The following SKIL variants were observed in gnomAD, a reference collection of about 807,000 sequenced individuals.
SKIL encodes ski-like protein.
SKIL carries 20 observed loss-of-function variants against 69.6 expected under a neutral mutation model. That is an observed-to-expected ratio of 0.29 (90% confidence interval 0.20 to 0.42). SKIL has a LOEUF of 0.42. Ranked by LOEUF, SKIL falls within the 10% of genes least tolerant of loss-of-function variation. The pLI, the probability that SKIL is intolerant of heterozygous loss-of-function variation, is 1.00. For missense variants in SKIL, 745 were observed against 783.1 expected, an observed-to-expected ratio of 0.95 and a Z score of 0.58; for synonymous variants, 310 against 279.9, an observed-to-expected ratio of 1.11 and a Z score of -1.08.
At chr3:170,381,852 T>C (rs1385319892) in intron 3 of SKIL, among the ~76,000 whole-genome samples, 2 of 151,486 alleles carry the variant, frequency 1.3e-5, no homozygotes, top group Non-Finnish European at 2.9e-5. Flanking sequence ...GAGGCCGAGG[T>C]GGGTGGATCA....
intron 6 of SKIL, among the ~76,000 whole-genome samples, chr3:170,392,021 T>G (rs532723400): frequency 6.6e-6 from 1 of 152,340 alleles, no homozygotes; most frequent in Admixed American, 6.5e-5. Flanking sequence ...TAGTAAAGTA[T>G]AGGGCATAAT....
At chr3:170,385,314 AC>A (rs1156828955) in intron 4 of SKIL, among the ~76,000 whole-genome samples, 1 of 150,106 alleles carries the variant, frequency 6.7e-6, no homozygotes, top group African/African-American at 2.5e-5. Flanking sequence ...CTGGTCTCGA[AC>A]TCCTGGGCTC....
intron 4 of SKIL, among the ~76,000 whole-genome samples, chr3:170,386,546 C>G (rs1466057980): frequency 6.6e-6 from 1 of 152,036 alleles, no homozygotes; most frequent in Non-Finnish European, 1.5e-5. Context: ...CATAGCTCAC[C>G]GCAGCTTCAA....
Position 170,393,762 on chromosome 3 carries a change from T to C in SKIL, c.*1345T>C, listed in dbSNP as rs564498922. On this transcript the variant is annotated 3_prime_UTR_variant, in exon 7 of 7. Transcript: ENST00000259119. The stretch of plus-strand genomic sequence containing the variant: ...GGGATAATAAATGTTTTTCATGTTC[T>C]CTTATAAGATACTATGTATGAAATT... 1 of 152,290 alleles carries C rather than the reference T, an allele frequency of 6.6e-6. No homozygotes were observed. The highest frequency in any genetic ancestry group is 1.9e-4 in the East Asian group (1 of 5,192). 9.4% of individuals were successfully genotyped at this position (152,290 alleles called of 1,614,324 possible).
Position 170,392,303 on chromosome 3 carries a change from G to A in SKIL, c.1941G>A (p.Arg647=), listed in dbSNP as rs1291530748. Residue 647 remains arginine, a synonymous_variant, in exon 7 of 7, where the codon AGG becomes AGA. Transcript: ENST00000259119. The part of the protein sequence containing the change: ...RQRLDHAEAD[R]QELQDELRQE... ...GATTGGACCATGCTGAGGCCGATAG[G>A]CAAGAACTCCAAGATGAACTCAGAC... 2.5e-6 allele frequency: 4 copies of A among 1,613,456 alleles called. No individual in the cohort carries two copies. Among genetic ancestry groups the A allele is most frequent in the Non-Finnish European group, 2.5e-6 (3 of 1,179,560 alleles).
chr3:170,386,580 A>G (rs753230244), intron 4 of SKIL, among the ~76,000 whole-genome samples: 4 of 151,726 alleles, frequency 2.6e-5, no homozygotes, highest in Non-Finnish European at 4.4e-5. Flanking sequence ...TAGTCCTTGC[A>G]CCTCAGCCTC....
In SKIL at chr3:170,369,408, A is replaced by AT. The variant is rs796483906; in HGVS notation, c.1098+7989dup. 1.1e-3 allele frequency among the ~76,000 whole-genome samples: 172 copies of AT among 149,972 alleles called. 1 individual carries two copies. Among genetic ancestry groups the AT allele is most frequent in the African/African-American group, 3.8e-3 (154 of 40,964 alleles). On this transcript the variant is annotated intron_variant, in intron 2 of 6. Transcript: ENST00000259119. ...AAAGAAGTAATCAAGAATTGGGCTA[A>AT]TTTTTTTTTTGATAAGGAGTTTTGC... is the stretch of plus-strand genomic sequence containing the variant.
intron 2 of SKIL, among the ~76,000 whole-genome samples, chr3:170,376,673 T>C (rs1163167360): frequency 6.6e-6 from 1 of 152,104 alleles, no homozygotes; most frequent in Non-Finnish European, 1.5e-5. Context: ...TTTCCTGGGC[T>C]CAAGTGATCC....
intron 2 of SKIL, among the ~76,000 whole-genome samples, chr3:170,375,765 G>GA (rs368004490): frequency 2.0e-5 from 3 of 151,970 alleles, no homozygotes; most frequent in Non-Finnish European, 4.4e-5. Flanking sequence ...TTTTTGTAGA[G>GA]ATGGGGGTCT....
At chr3:170,359,001 C>T (rs1326608302) in intron 1 of SKIL, among the ~76,000 whole-genome samples, 3 of 151,798 alleles carry the variant, frequency 2.0e-5, no homozygotes, top group Non-Finnish European at 2.9e-5. Flanking sequence ...ATGTTAACTC[C>T]TATCTGATTT....
intron 3 of SKIL, among the ~76,000 whole-genome samples, chr3:170,383,743 G>A (rs1220593178): frequency 6.6e-6 from 1 of 152,144 alleles, no homozygotes; most frequent in Non-Finnish European, 1.5e-5. Flanking sequence ...TATAAGAAGA[G>A]CCCTGGGAGC....
chr3:170,368,980 C>T (rs1259791522), intron 2 of SKIL, among the ~76,000 whole-genome samples: 2 of 151,734 alleles, frequency 1.3e-5, no homozygotes, highest in Non-Finnish European at 2.9e-5. Context: ...TAGTGCCTTT[C>T]TCATTTTTTA....
chr3:170,384,241 T>C (rs760771868), intron 3 of SKIL, among the ~76,000 whole-genome samples: 1 of 152,084 alleles, frequency 6.6e-6, no homozygotes, highest in Non-Finnish European at 1.5e-5. Context: ...GGCAGGAAGA[T>C]TGCTTGAACC....
At chr3:170,373,832 A>G (rs1736899649) in intron 2 of SKIL, among the ~76,000 whole-genome samples, 1 of 152,190 alleles carries the variant, frequency 6.6e-6, no homozygotes, top group Admixed American at 6.5e-5. Context: ...TGGAGGATGC[A>G]GTGAGCTATA....
Position 170,357,730 on chromosome 3 carries a change from GGGCGAGC to G in SKIL, c.-661_-655del, listed in dbSNP as rs956664834. The G allele has an allele frequency of 2.4e-5, 4 of 163,444 alleles. No homozygotes were observed. Among genetic ancestry groups the G allele is most frequent in the South Asian group, 1.7e-4 (1 of 5,840 alleles). The allele number at this position is 163,444 out of a possible 1,614,324, so 10.1% of individuals were successfully genotyped here. A position where few individuals can be genotyped will look rare whatever the true frequency, so the allele number is the denominator to read the frequency against. On this transcript the variant is annotated 5_prime_UTR_variant, in exon 1 of 7. Coordinates refer to ENST00000259119, the MANE Select transcript of SKIL (RefSeq NM_005414.5). ...CCGCGCCGGCACAGCCGAAGGGAGC[GGGCGAGC>G]GGCGACGGCGGCGGCGGCGGGCACA... is the stretch of plus-strand genomic sequence containing the variant.
chr3:170,386,590 C>T (rs1577442250), intron 4 of SKIL, among the ~76,000 whole-genome samples: 1 of 152,118 alleles, frequency 6.6e-6, no homozygotes, highest in Non-Finnish European at 1.5e-5. Flanking sequence ...ACCTCAGCCT[C>T]CCTAGTAGCT....
chr3:170,361,343 A>G lies in SKIL; in HGVS notation c.1012A>G (p.Thr338Ala). 1 of 1,611,932 alleles carries G rather than the reference A, an allele frequency of 6.2e-7. No homozygotes were observed. Among genetic ancestry groups the G allele is most frequent in the Non-Finnish European group, 8.5e-7 (1 of 1,179,318 alleles). The change falls in exon 2 of 7, where the codon ACA (threonine) becomes GCA (alanine). Residue 338 changes from threonine to alanine, a missense_variant. Physicochemically the swap from Thr to Ala is moderately conservative, Grantham distance 58 (BLOSUM62 0). Transcript: ENST00000259119. ...YLHVNQKYLGTPEEKKLKIIL... is the reference protein window; with the variant it reads ...YLHVNQKYLGAPEEKKLKIIL... Reference sequence around the variant, plus strand: ...TCATGTGAACCAAAAATACTTAGGAACACCTGAAGAAAAGAAACTGAAGAT... The same window carrying G: ...TCATGTGAACCAAAAATACTTAGGAGCACCTGAAGAAAAGAAACTGAAGAT...
At chr3:170,381,609 T>C (rs922291449) in intron 3 of SKIL, among the ~76,000 whole-genome samples, 4 of 151,658 alleles carry the variant, frequency 2.6e-5, no homozygotes, top group African/African-American at 9.7e-5. Flanking sequence ...ATTTTTTTAG[T>C]TTTAGTATAG....
chr3:170,358,666 G>A (rs1338179187), intron 1 of SKIL: 1 of 152,208 alleles, frequency 6.6e-6, no homozygotes, highest in Non-Finnish European at 1.5e-5. Context: ...GAGAGTTTGG[G>A]AAGCAAAAAT....
Sources: allele counts gnomAD v4.1 joint callset (sites outside exome capture counted in the v4.1 genomes callset), GRCh38; gene constraint gnomAD v4.1.1; transcripts MANE v1.5; gene names NCBI Gene and HGNC (gene_info 2026-07-23, HGNC 2026-07-21).